MDM2: variants seen among roughly 807,000 people sequenced by gnomAD.
MDM2 encodes the protein MDM2 proto-oncogene.
MDM2 carries 11 observed loss-of-function variants against 64.3 expected under a neutral mutation model. The observed-to-expected ratio is 0.17, with a 90% confidence interval of 0.11 to 0.28. The LOEUF (loss-of-function observed/expected upper bound fraction) is 0.28. Among genes scored for constraint, MDM2 ranks in the 10% least tolerant of loss-of-function variants. The pLI is 1.00. For missense variants in MDM2, 388 were observed against 577.1 expected (o/e 0.67, Z 3.36); for synonymous variants, 194 against 192.9 (o/e 1.01, Z -0.05).
chr12:68,824,312 C>G, intron 5 of MDM2, 51 bp from the exon 6 acceptor site: 1 of 1,373,426 alleles, frequency 7.3e-7, no homozygotes, highest in Non-Finnish European at 1.0e-6. Flanking sequence ...AGTAGCGCCC[C>G]GCCGCCCCCC....
rs918982024 is a variant in MDM2 at position 68,839,666 on chromosome 12, C to T, written c.1311C>T (p.Pro437=). The T allele has an allele frequency of 3.7e-6, 6 of 1,613,224 alleles. No homozygotes were observed. The African/African-American group carries it at 6.7e-5, about 18-fold the overall frequency. Residue 437 remains proline (P), a synonymous_variant, in exon 11 of 11, where the codon CCC becomes CCT. Transcript: ENST00000258149. ...DKEESVESSL[P]LNAIEPCVIC... ...AAGAGAGTGTGGAATCTAGTTTGCC[C>T]CTTAATGCCATTGAACCTTGTGTGA...
At position 68,820,372 on chromosome 12, in the gene MDM2, A is replaced by G. The variant is rs947501125; in HGVS notation, c.356A>G (p.Gln119Arg). The G allele has an allele frequency of 2.5e-6, 4 of 1,604,882 alleles. No homozygotes were observed. Among genetic ancestry groups the G allele is most frequent in the South Asian group, 1.1e-5 (1 of 89,100 alleles). The change falls in exon 5 of 11, where the codon CAG becomes CGG. Residue 119 changes from glutamine to arginine, a missense_variant and splice_region_variant. Physicochemically the swap from Gln to Arg is conservative, Grantham distance 43. Transcript: ENST00000258149. Reference sequence around the variant, plus strand: ...AGGAACTTGGTAGTAGTCAATCAGCAGGGTAAGTTAATTTTGAGCATCATG... The same window carrying G: ...AGGAACTTGGTAGTAGTCAATCAGCGGGGTAAGTTAATTTTGAGCATCATG... The part of the protein sequence containing the change: ...IYRNLVVVNQ[Q>R]ESSDSGTSVS...
intron 7 of MDM2, among the ~76,000 whole-genome samples, chr12:68,824,956 C>T (rs748230740): frequency 1.3e-5 from 2 of 152,170 alleles, no homozygotes; most frequent in Non-Finnish European, 2.9e-5. Flanking sequence ...CGCCTGTAAT[C>T]CCGGCACTTT....
rs569083510 is a variant in MDM2, at chr12:68,812,516, A to T, written c.100-1038A>T. ...ATATTACATTCCCCTCCCCCATGACAATTATTTTTCTCAAGACCATTTGTA... is the reference window on the plus strand; with the variant it reads ...ATATTACATTCCCCTCCCCCATGACTATTATTTTTCTCAAGACCATTTGTA... On this transcript the variant is annotated intron_variant, in intron 2 of 10. Transcript: ENST00000258149. 2.6e-5 allele frequency among the ~76,000 whole-genome samples: 4 copies of T among 152,316 alleles called. No homozygotes were observed. In the South Asian group the frequency reaches 6.2e-4, roughly 24 times the overall value.
intron 8 of MDM2, among the ~76,000 whole-genome samples, chr12:68,833,280 A>T (rs1425432056): frequency 1.1e-4 from 7 of 63,194 alleles, no homozygotes; most frequent in Admixed American, 5.7e-4. Context: ...TATTTATATA[A>T]ATATAAATAT....
intron 8 of MDM2, among the ~76,000 whole-genome samples, 174 bp downstream of exon 8, chr12:68,829,105 G>C (rs1012672506): frequency 6.6e-6 from 1 of 152,098 alleles, no homozygotes; most frequent in African/African-American, 2.4e-5. Context: ...TTCAACCCAA[G>C]GTATTGTGAG....
rs1797030158 is a variant in MDM2 at position 68,808,268 on chromosome 12, G to A, written c.-210G>A. The A allele has an allele frequency of 1.3e-5, 8 of 612,786 alleles. No homozygotes were observed. Among genetic ancestry groups the A allele is most frequent in the Non-Finnish European group, 1.7e-5 (6 of 349,972 alleles). The allele number at this position is 612,786 out of a possible 1,614,324, so 38.0% of individuals were successfully genotyped here. On this transcript the variant is annotated 5_prime_UTR_variant, in exon 1 of 11. Transcript: ENST00000258149. ...AAAGATGGAGCAAGAAGCCGAGCCC[G>A]AGGGGCGGCCGCGACCCCTCTGACC...
At chr12:68,814,962 T>C (rs1183072532) in intron 3 of MDM2, among the ~76,000 whole-genome samples, 1 of 152,226 alleles carries the variant, frequency 6.6e-6, no homozygotes, top group Non-Finnish European at 1.5e-5. Flanking sequence ...GCTATACTTT[T>C]AGAAACTTCC....
At chr12:68,823,902 A>G (rs1398574345) in intron 5 of MDM2, among the ~76,000 whole-genome samples, 1 of 152,202 alleles carries the variant, frequency 6.6e-6, no homozygotes, top group African/African-American at 2.4e-5. Context: ...TTACAGTCTG[A>G]ACCTGCCTAC....
chr12:68,812,363 TAGAC>T (rs535737056), intron 2 of MDM2, among the ~76,000 whole-genome samples: 80 of 152,376 alleles, frequency 5.3e-4, no homozygotes, highest in Admixed American at 8.5e-4. Flanking sequence ...ATTTTAAAGT[TAGAC>T]AGAGGACCGG....
In MDM2 at chr12:68,824,590, A is replaced by G. The variant is rs755673157; in HGVS notation, c.462A>G (p.Ser154=). 2.1e-5 allele frequency: 34 copies of G among 1,613,578 alleles called. No individual in the cohort carries two copies. Among genetic ancestry groups the G allele is most frequent in the South Asian group, 1.4e-4 (13 of 90,998 alleles). ...LVQELQEEKP[S]SSHLVSRPST... is the part of the protein sequence containing the mutation. ...AAGAGCTTCAGGAAGAGAAACCTTC[A>G]TCTTCACATTTGGTTTCTAGACCAT... Residue 154 remains serine, a synonymous_variant, in exon 7 of 11, where the codon TCA becomes TCG. Coordinates refer to ENST00000258149, the MANE Select transcript of MDM2 (RefSeq NM_002392.6).
At chr12:68,836,510 C>T in intron 9 of MDM2, 162 bp from the exon 10 acceptor site, 2 of 544,734 alleles carry the variant, frequency 3.7e-6, no homozygotes, top group Non-Finnish European at 6.6e-6. Flanking sequence ...TTTCTCTCTC[C>T]TCCATTTTTT....
At chr12:68,826,145 T>A (rs1243528470) in intron 7 of MDM2, among the ~76,000 whole-genome samples, 1 of 151,928 alleles carries the variant, frequency 6.6e-6, no homozygotes, top group Non-Finnish European at 1.5e-5. Context: ...CTAATAAATA[T>A]GGGGAGAGGG....
rs2136191074 is a variant in MDM2 at position 68,844,321 on chromosome 12, A to G, written c.*4472A>G. The G allele has an allele frequency of 4.5e-6, 1 of 223,156 alleles. No homozygotes were observed. The highest frequency in any genetic ancestry group is 8.9e-6 in the Non-Finnish European group (1 of 111,812). The allele number at this position is 223,156 out of a possible 1,614,324, so 13.8% of individuals were successfully genotyped here. A position where few individuals can be genotyped will look rare whatever the true frequency, so the allele number is the denominator to read the frequency against. ...TGGAATGGCCATGCCTGCCCACTTTAGAAATACAAATATCACTGGGCAGCT... is the reference window on the plus strand; with the variant it reads ...TGGAATGGCCATGCCTGCCCACTTTGGAAATACAAATATCACTGGGCAGCT... On this transcript the variant is annotated 3_prime_UTR_variant, in exon 11 of 11. Coordinates refer to ENST00000258149, the MANE Select transcript of MDM2 (RefSeq NM_002392.6).
rs1345346090 is a variant in MDM2, at chr12:68,839,995, G to A, written c.*146G>A. On this transcript the variant is annotated 3_prime_UTR_variant, in exon 11 of 11. Transcript: ENST00000258149. ...TCTTTAGTATAATTGACCTACTTTG[G>A]TAGTGGAATAGTGAATACTTACTAT... is the stretch of plus-strand genomic sequence containing the variant. The A allele has an allele frequency of 1.4e-6, 1 of 702,238 alleles. No individual in the cohort carries two copies. The highest frequency in any genetic ancestry group is 1.8e-5 in the African/African-American group (1 of 55,442). 43.5% of individuals were successfully genotyped at this position (702,238 alleles called of 1,614,324 possible).
intron 8 of MDM2, among the ~76,000 whole-genome samples, chr12:68,831,766 TC>T (rs1169559394): frequency 1.3e-5 from 2 of 151,878 alleles, no homozygotes; most frequent in Admixed American, 1.3e-4. Flanking sequence ...TCTTAAAAAA[TC>T]CTATCTATAA....
In MDM2 at chr12:68,833,286, AAT is replaced by A. The variant is rs1198819976; in HGVS notation, c.685-2534_685-2533del. Among the ~76,000 whole-genome samples the A allele has an allele frequency of 4.3e-4, 36 of 84,010 alleles. 5 individuals are homozygous for A. The highest frequency in any genetic ancestry group is 3.7e-3 in the South Asian group (13 of 3,470). The allele number at this position is 84,010 out of a possible 152,430, so 55.1% of individuals were successfully genotyped here. ...ATAATTATATATTTATATAAATATA[AAT>A]ATATATATTTATATAAATATAAAAA... is the stretch of plus-strand genomic sequence containing the variant. On this transcript the variant is annotated intron_variant, in intron 8 of 10. Coordinates refer to ENST00000258149, the MANE Select transcript of MDM2 (RefSeq NM_002392.6).
intron 7 of MDM2, chr12:68,824,881 A>G (rs551543680): frequency 2.1e-6 from 1 of 466,494 alleles, no homozygotes; most frequent in Non-Finnish European, 3.8e-6. Context: ...TGGAGTTTAT[A>G]GTTAGCCAAC....
rs1357831520 is a variant in MDM2, at chr12:68,839,346, C to T, written c.991C>T (p.Leu331Phe). ...ATCACATTGCAACAGATGTTGGGCC[C>T]TTCGTGAGAATTGGCTTCCTGAAGA... ...LPSHCNRCWA[L>F]RENWLPEDKG... Residue 331 changes from leucine to phenylalanine, a missense_variant, in exon 11 of 11, where the codon CTT becomes TTT. Around this residue, in one of 5 missense-constraint regions of MDM2, gnomAD observed 138 missense variants for 143.7 expected, o/e 0.96. Transcript: ENST00000258149. The T allele has an allele frequency of 1.2e-6, 2 of 1,613,922 alleles. No individual in the cohort carries two copies. Among genetic ancestry groups the T allele is most frequent in the Non-Finnish European group, 1.7e-6 (2 of 1,179,996 alleles).
Sources: allele counts gnomAD v4.1 joint callset (sites outside exome capture counted in the v4.1 genomes callset), GRCh38; gene constraint gnomAD v4.1.1; regional missense constraint gnomAD v4.1.1; transcripts MANE v1.5; gene names NCBI Gene and HGNC (gene_info 2026-07-23, HGNC 2026-07-21).